DLGAP2: variants seen among roughly 807,000 people sequenced by gnomAD.
DLGAP2 encodes disks large-associated protein 2.
Under a neutral mutation model 100.3 loss-of-function variants are expected in DLGAP2, and 26 were observed. The ratio of observed to expected loss-of-function variants is 0.26; its 90% CI spans 0.19 to 0.36. The LOEUF (loss-of-function observed/expected upper bound fraction) is 0.36. Ranked by LOEUF, DLGAP2 falls within the 10% of genes least tolerant of loss-of-function variation. The pLI is 1.00. For synonymous variants in DLGAP2, 886 were observed against 630.1 expected (o/e 1.41, Z -6.08); for missense variants, 1,858 against 1,453.2 (o/e 1.28, Z -4.53).
chr8:1,137,459 C>A (rs200049825), intron 2 of DLGAP2: 221 of 152,674 alleles, frequency 1.4e-3, no homozygotes, highest in Non-Finnish European at 1.2e-3. Context: ...TGCATGGAGC[C>A]TCTCGCTGTC....
chr8:960,330 G>C (rs1799696952), intron 2 of DLGAP2, among the ~76,000 whole-genome samples: 1 of 137,810 alleles, frequency 7.3e-6, no homozygotes, highest in African/African-American at 2.7e-5. Context: ...CCACCTCCTG[G>C]CTTCAATCGA....
At chr8:1,284,556 C>G (rs546995907) in intron 3 of DLGAP2, among the ~76,000 whole-genome samples, 2 of 152,302 alleles carry the variant, frequency 1.3e-5, no homozygotes, top group Admixed American at 1.3e-4. Flanking sequence ...GCCTGTTTCT[C>G]TCAATTCTTT....
At chr8:1,308,427 C>T (rs1287525424) in intron 3 of DLGAP2, among the ~76,000 whole-genome samples, 1 of 152,188 alleles carries the variant, frequency 6.6e-6, no homozygotes, top group Non-Finnish European at 1.5e-5. Flanking sequence ...GAGTCAGCCC[C>T]TTCTAATATC....
chr8:1,031,462 G>A (rs538461955), intron 2 of DLGAP2, among the ~76,000 whole-genome samples: 3 of 151,636 alleles, frequency 2.0e-5, no homozygotes, highest in Non-Finnish European at 4.4e-5. Flanking sequence ...CCCAAGCTGT[G>A]GTGCAGTGGT....
Position 1,689,559 on chromosome 8 carries a change from C to T in DLGAP2, c.2705-1976C>T, listed in dbSNP as rs576623928. 3.3e-5 allele frequency among the ~76,000 whole-genome samples: 5 copies of T among 152,318 alleles called. No individual in the cohort carries two copies. In the South Asian group the frequency reaches 1.0e-3, roughly 32 times the overall value. On this transcript the variant is annotated intron_variant, in intron 12 of 14. Transcript: ENST00000637795. Reference sequence around the variant, plus strand: ...AACGGAAGCAGGAGAAAGGGCTGGGCTAGTTAAACCGCAGCACTTTCAGTT... The same window carrying T: ...AACGGAAGCAGGAGAAAGGGCTGGGTTAGTTAAACCGCAGCACTTTCAGTT...
intron 2 of DLGAP2, among the ~76,000 whole-genome samples, chr8:1,257,415 A>G (rs1799248233): frequency 2.0e-5 from 3 of 150,636 alleles, no homozygotes; most frequent in Admixed American, 6.6e-5. Context: ...CCCTCCGCTC[A>G]CCTCTCTGCC....
At chr8:1,138,119 CCA>C (rs1356214362) in intron 2 of DLGAP2, among the ~76,000 whole-genome samples, 18 of 152,248 alleles carry the variant, frequency 1.2e-4, no homozygotes, top group Non-Finnish European at 2.2e-4. Context: ...TGCCATGAAT[CCA>C]GCAGAGCGAG....
intron 2 of DLGAP2, among the ~76,000 whole-genome samples, chr8:1,020,473 T>C (rs1294762810): frequency 6.6e-6 from 1 of 152,230 alleles, no homozygotes; most frequent in Non-Finnish European, 1.5e-5. Flanking sequence ...CTTTTACATG[T>C]ATTATCGCAC....
intron 6 of DLGAP2, among the ~76,000 whole-genome samples, chr8:1,605,420 C>T (rs11998549): frequency 0.046 from 7,031 of 152,210 alleles, 523 homozygotes; most frequent in African/African-American, 0.16. Flanking sequence ...ATTCCCCTGA[C>T]GTCTTCTGTT....
intron 3 of DLGAP2, among the ~76,000 whole-genome samples, chr8:1,329,325 C>G (rs1801095847): frequency 6.6e-6 from 1 of 152,178 alleles, no homozygotes; most frequent in African/African-American, 2.4e-5. Context: ...CCTGAAATTT[C>G]TGGCTGATTG....
chr8:912,227 G>T (rs1798499554), intron 2 of DLGAP2, among the ~76,000 whole-genome samples: 1 of 152,216 alleles, frequency 6.6e-6, no homozygotes, highest in Non-Finnish European at 1.5e-5. Flanking sequence ...AAGCATGCGG[G>T]AGTACTATGT....
chr8:1,260,851 A>T (rs1585202750), intron 3 of DLGAP2, among the ~76,000 whole-genome samples: 1 of 152,300 alleles, frequency 6.6e-6, no homozygotes, highest in Non-Finnish European at 1.5e-5. Context: ...ATCTGGCCCC[A>T]TCAGGGCTCT....
chr8:1,488,712 C>A (rs76643754), intron 3 of DLGAP2, among the ~76,000 whole-genome samples: 5,933 of 152,216 alleles, frequency 0.039, 374 homozygotes, highest in African/African-American at 0.13. Context: ...TACAACATCT[C>A]CAAAGCTCCT....
chr8:1,121,732 C>G (rs1452780107), intron 2 of DLGAP2, among the ~76,000 whole-genome samples: 1 of 85,672 alleles, frequency 1.2e-5, no homozygotes, highest in Non-Finnish European at 3.5e-5. Context: ...CTTTAGAACC[C>G]ACAACCACCC....
At chr8:953,097 T>C (rs1251002482) in intron 2 of DLGAP2, among the ~76,000 whole-genome samples, 1 of 152,264 alleles carries the variant, frequency 6.6e-6, no homozygotes, top group Non-Finnish European at 1.5e-5. Context: ...TTCATTAATA[T>C]CACTACCAAT....
intron 3 of DLGAP2, among the ~76,000 whole-genome samples, chr8:1,370,863 C>T (rs955168020): frequency 2.1e-4 from 32 of 152,184 alleles, no homozygotes; most frequent in African/African-American, 7.7e-4. Flanking sequence ...CCACACAGGA[C>T]TGTTGTAAGG....
chr8:1,517,645 C>T lies in DLGAP2; in HGVS notation c.172+16214C>T, dbSNP rs140291724. Among the ~76,000 whole-genome samples the T allele has an allele frequency of 1.8e-3, 269 of 152,314 alleles. 2 individuals are homozygous for T. The highest frequency in any genetic ancestry group is 6.1e-3 in the African/African-American group (252 of 41,580). On this transcript the variant is annotated intron_variant, in intron 4 of 14. Coordinates refer to ENST00000637795, the MANE Select transcript of DLGAP2 (RefSeq NM_001346810.2). ...CAGGCACACACCTGCTAAAATGCAC[C>T]ACACAGCAGAAGGGCCTCCCGTTTC...
At position 925,453 on chromosome 8, in the gene DLGAP2, G is replaced by A. The variant is rs565218232; in HGVS notation, c.73+17487G>A. Among the ~76,000 whole-genome samples the A allele has an allele frequency of 3.9e-5, 6 of 152,270 alleles. No homozygotes were observed. In the South Asian group the frequency reaches 1.0e-3, roughly 26 times the overall value. On this transcript the variant is annotated intron_variant, in intron 2 of 14. Coordinates refer to ENST00000637795, the MANE Select transcript of DLGAP2 (RefSeq NM_001346810.2). ...ACCTCACGGAAGGATGGTGTTCTGT[G>A]TGGAGGCTGGACAGGGCTGGATTTG...
At chr8:1,556,053 G>C (rs548173022) in intron 5 of DLGAP2, among the ~76,000 whole-genome samples, 1 of 152,224 alleles carries the variant, frequency 6.6e-6, no homozygotes, top group Admixed American at 6.5e-5. Context: ...ACTCAAGATG[G>C]TCGTGGATGC....
Sources: gnomAD v4.1 joint callset for allele counts (sites outside exome capture counted in the v4.1 genomes callset) on GRCh38, gnomAD v4.1.1 for gene constraint, MANE v1.5 for transcripts, NCBI Gene and HGNC (gene_info 2026-07-23, HGNC 2026-07-21) for gene names.